The following BRWD1 variants were observed in gnomAD, a reference collection of about 807,000 sequenced individuals.
BRWD1 encodes the protein bromodomain and WD repeat domain containing 1.
Under a neutral mutation model 251.2 loss-of-function variants are expected in BRWD1, and 82 were observed. That is an observed-to-expected ratio of 0.33 (90% CI 0.27 to 0.39). The LOEUF is 0.39. BRWD1 is among the 10% of genes least tolerant of loss of function. The pLI is 1.00. For missense variants in BRWD1, 2,233 were observed against 2,711.6 expected, an observed-to-expected ratio of 0.82 and a Z score of 3.92; for synonymous variants, 918 against 902.8, an observed-to-expected ratio of 1.02 and a Z score of -0.30.
intron 36 of BRWD1, 140 bp downstream of exon 36, chr21:39,209,855 G>C: frequency 2.4e-6 from 2 of 821,384 alleles, no homozygotes; most frequent in Non-Finnish European, 3.5e-6. Flanking sequence ...CTTTATAATA[G>C]TCTTAATTTA....
At chr21:39,238,189 C>T (rs1384853869) in intron 22 of BRWD1, among the ~76,000 whole-genome samples, 1 of 149,964 alleles carries the variant, frequency 6.7e-6, no homozygotes, top group African/African-American at 2.5e-5. Context: ...GGTTTTACCA[C>T]ACATACTTTA....
In BRWD1 at chr21:39,193,279, A is replaced by G. The variant is rs1178717272; in HGVS notation, c.*2980T>C. 1.0e-6 allele frequency: 1 copy of G among 985,076 alleles called. No homozygotes were observed. Among genetic ancestry groups the G allele is most frequent in the East Asian group, 1.1e-4 (1 of 8,834 alleles). 61.0% of individuals were successfully genotyped at this position (985,076 alleles called of 1,614,324 possible). The stretch of plus-strand genomic sequence containing the variant: ...GCTATATCATTGTTTCCAAGGATTA[A>G]TAAACTGAGAAATGATTTAATCAGA... On this transcript the variant is annotated 3_prime_UTR_variant, in exon 41 of 41. Coordinates refer to ENST00000342449, the MANE Select transcript of BRWD1 (RefSeq NM_033656.4).
intron 14 of BRWD1, 109 bp downstream of exon 14, chr21:39,270,172 CAT>C (rs2035054165): frequency 2.5e-6 from 3 of 1,208,006 alleles, no homozygotes; most frequent in Non-Finnish European, 3.3e-6. Flanking sequence ...CTAATCATTT[CAT>C]AGTTTACATG....
chr21:39,276,039 T>A (rs990530692), intron 12 of BRWD1, 134 bp downstream of exon 12: 4 of 666,002 alleles, frequency 6.0e-6, no homozygotes, highest in Middle Eastern at 5.7e-4. Flanking sequence ...TCTCAAAAAA[T>A]AAATAAATAA....
intron 1 of BRWD1, among the ~76,000 whole-genome samples, chr21:39,320,453 G>GC (rs1247359286): frequency 1.3e-5 from 2 of 151,910 alleles, no homozygotes; most frequent in African/African-American, 4.8e-5. Flanking sequence ...TCCCACCTCT[G>GC]CCTCCCAGGT....
At chr21:39,208,663 A>T (rs2032522822) in intron 36 of BRWD1, among the ~76,000 whole-genome samples, 1 of 152,072 alleles carries the variant, frequency 6.6e-6, no homozygotes, top group Non-Finnish European at 1.5e-5. Flanking sequence ...AGTGGCTCTC[A>T]TGCCTCATTT....
At chr21:39,216,359 GA>G (rs201324552) in intron 31 of BRWD1, among the ~76,000 whole-genome samples, 1,840 of 151,202 alleles carry the variant, frequency 0.012, 30 homozygotes, top group African/African-American at 0.041. Context: ...AACATACAAA[GA>G]AAAAAAATAA....
At position 39,274,468 on chromosome 21, in the gene BRWD1, G is replaced by C. The variant is rs773910499; in HGVS notation, c.1150C>G (p.Leu384Val). Residue 384 changes from leucine to valine, a missense_variant, in exon 13 of 41, where the codon CTA becomes GTA. Leu to Val is a conservative substitution (Grantham distance 32, BLOSUM62 1). Around this residue, in one of 12 missense-constraint regions of BRWD1, gnomAD observed 315 missense variants for 421.8 expected, o/e 0.75. Coordinates refer to ENST00000342449, the MANE Select transcript of BRWD1 (RefSeq NM_033656.4). ...IQFCNNGDRF[L>V]SGSRDGTARI... ...GCTGTTCCATCTCTGCTACCACTTA[G>C]GAACCTTAAAACATTCAGAACAGGA... The C allele has an allele frequency of 6.2e-7, 1 of 1,612,912 alleles. No individual in the cohort carries two copies.
chr21:39,196,219 C>A lies in BRWD1; in HGVS notation c.*40G>T. On this transcript the variant is annotated 3_prime_UTR_variant, in exon 41 of 41. Transcript: ENST00000342449. Reference sequence around the variant, plus strand: ...AACAGCCAGCTTTCACCATAAATGCCAGTCCATTTCCTCTTAAATGAACTG... The same window carrying A: ...AACAGCCAGCTTTCACCATAAATGCAAGTCCATTTCCTCTTAAATGAACTG... 1.3e-6 allele frequency: 2 copies of A among 1,499,116 alleles called. No individual in the cohort carries two copies. The highest frequency in any genetic ancestry group is 1.4e-5 in the South Asian group (1 of 70,036). 92.9% of individuals were successfully genotyped at this position (1,499,116 alleles called of 1,614,324 possible). A position where few individuals can be genotyped will look rare whatever the true frequency, so the allele number is the denominator to read the frequency against.
intron 29 of BRWD1, among the ~76,000 whole-genome samples, chr21:39,220,076 C>T (rs979053703): frequency 7.0e-5 from 10 of 142,876 alleles, no homozygotes; most frequent in African/African-American, 2.5e-4. Context: ...GTTCAAATCA[C>T]ATCTATACCA....
intron 18 of BRWD1, among the ~76,000 whole-genome samples, 192 bp downstream of exon 18, chr21:39,258,295 T>C (rs2034626484): frequency 6.6e-6 from 1 of 152,208 alleles, no homozygotes; most frequent in African/African-American, 2.4e-5. Context: ...TCAGCAGTAC[T>C]TGAAATTCAA....
At chr21:39,258,043 T>C (rs2034618844) in intron 18 of BRWD1, among the ~76,000 whole-genome samples, 1 of 152,134 alleles carries the variant, frequency 6.6e-6, no homozygotes, top group Non-Finnish European at 1.5e-5. Flanking sequence ...GGGAGACTGG[T>C]GATTGTTATG....
At chr21:39,276,694 C>T (rs1173157621) in intron 11 of BRWD1, among the ~76,000 whole-genome samples, 1 of 152,174 alleles carries the variant, frequency 6.6e-6, no homozygotes, top group Non-Finnish European at 1.5e-5. Flanking sequence ...CTTCAGAACA[C>T]TGACAGTTTT....
At chr21:39,280,025 A>C (rs945573073) in intron 9 of BRWD1, 123 bp downstream of exon 9, 10 of 643,026 alleles carry the variant, frequency 1.6e-5, no homozygotes, top group Non-Finnish European at 2.3e-5. Flanking sequence ...AATAAAAATT[A>C]AGTTCAAAGG....
upstream of BRWD1, among the ~76,000 whole-genome samples, chr21:39,318,459 CACA>C (rs1359546109): frequency 6.6e-6 from 1 of 152,226 alleles, no homozygotes; most frequent in South Asian, 2.1e-4. Context: ...TTGATGTACA[CACA>C]ACATCAGCAT....
intron 5 of BRWD1, chr21:39,297,901 T>C: frequency 1.0e-6 from 1 of 984,468 alleles, no homozygotes; most frequent in Non-Finnish European, 1.2e-6. Context: ...AGAAAAAGAA[T>C]AGCAATTTCA....
rs777016163 is a variant in BRWD1, at chr21:39,234,907, CT to C, written c.2766+1687del. On this transcript the variant is annotated intron_variant, in intron 23 of 40. Transcript: ENST00000342449. The stretch of plus-strand genomic sequence containing the variant: ...AAACAGCATGAACCAAAATCTCACA[CT>C]TAATCTTTTAACATTAATGGAATTT... Among the ~76,000 whole-genome samples, 10 of 152,164 alleles carry C rather than the reference CT, an allele frequency of 6.6e-5. No homozygotes were observed. In the South Asian group the frequency reaches 1.0e-3, roughly 16 times the overall value.
intron 13 of BRWD1, among the ~76,000 whole-genome samples, chr21:39,271,928 A>G (rs1487002907): frequency 5.4e-5 from 8 of 149,322 alleles, no homozygotes; most frequent in Admixed American, 4.7e-4. Context: ...AATCCCAGCT[A>G]CTTGGGAGGC....
At position 39,189,438 on chromosome 21, in the gene BRWD1, T is replaced by C; in HGVS notation, c.*6821A>G. 1.0e-6 allele frequency: 1 copy of C among 971,508 alleles called. No individual in the cohort carries two copies. Among genetic ancestry groups the C allele is most frequent in the Non-Finnish European group, 1.2e-6 (1 of 817,274 alleles). The allele number at this position is 971,508 out of a possible 1,614,324, so 60.2% of individuals were successfully genotyped here. A position where few individuals can be genotyped will look rare whatever the true frequency, so the allele number is the denominator to read the frequency against. On this transcript the variant is annotated 3_prime_UTR_variant, in exon 41 of 41. Coordinates refer to ENST00000342449, the MANE Select transcript of BRWD1 (RefSeq NM_033656.4). ...ACTAATTCTAACACATTTTAATAAA[T>C]GTTTATTTGTCATCCAGAATAATGG...
Sources: allele counts gnomAD v4.1 joint callset (sites outside exome capture counted in the v4.1 genomes callset), GRCh38; gene constraint gnomAD v4.1.1; regional missense constraint gnomAD v4.1.1; transcripts MANE v1.5; gene names NCBI Gene and HGNC (gene_info 2026-07-23, HGNC 2026-07-21).